NEGR1: variants seen among roughly 807,000 people sequenced by gnomAD.
NEGR1 encodes the protein IgLON family member 4.
In NEGR1, 10 loss-of-function variants were observed where a neutral mutation model predicts 40.9. That is an observed-to-expected ratio of 0.24 (90% CI 0.15 to 0.42). NEGR1 has a LOEUF of 0.42. NEGR1 is among the 10% of genes least tolerant of loss of function. NEGR1 has a pLI of 1.00. For synonymous variants in NEGR1, 185 were observed against 166.8 expected, an observed-to-expected ratio of 1.11 and a Z score of -0.84; for missense variants, 352 against 438.9, an observed-to-expected ratio of 0.80 and a Z score of 1.77.
chr1:71,673,111 C>T (rs746439707), intron 4 of NEGR1, among the ~76,000 whole-genome samples: 3 of 151,848 alleles, frequency 2.0e-5, no homozygotes, highest in Admixed American at 6.6e-5. Flanking sequence ...TTTTGGCGGG[C>T]GCCTGTAGTC....
intron 1 of NEGR1, among the ~76,000 whole-genome samples, chr1:72,199,150 C>CAGAGAGAGAG (rs34602311): frequency 3.5e-5 from 4 of 115,160 alleles, no homozygotes; most frequent in African/African-American, 9.9e-5. Context: ...GATAGACAGA[C>CAGAGAGAGAG]AGAGAGAGAG....
chr1:72,124,554 A>C (rs1041814044), intron 1 of NEGR1, among the ~76,000 whole-genome samples: 8 of 152,076 alleles, frequency 5.3e-5, no homozygotes, highest in Non-Finnish European at 1.2e-4. Flanking sequence ...CTGGAAAGCA[A>C]AGACCAAATG....
At chr1:71,671,027 G>C (rs1488858988) in intron 4 of NEGR1, among the ~76,000 whole-genome samples, 2 of 152,068 alleles carry the variant, frequency 1.3e-5, no homozygotes, top group Non-Finnish European at 2.9e-5. Context: ...GTTGGACACT[G>C]AACTCAAAGA....
At chr1:72,269,797 T>C (rs1655782423) in intron 1 of NEGR1, among the ~76,000 whole-genome samples, 1 of 146,382 alleles carries the variant, frequency 6.8e-6, no homozygotes. Context: ...TTCAAAATTT[T>C]CCTATCTAGT....
chr1:71,865,822 AT>A (rs1368124392), intron 2 of NEGR1, among the ~76,000 whole-genome samples: 1 of 152,170 alleles, frequency 6.6e-6, no homozygotes, highest in African/African-American at 2.4e-5. Flanking sequence ...CTTGTTTCCA[AT>A]TTGTGTCTCA....
chr1:72,028,687 C>T (rs757802993), intron 1 of NEGR1, among the ~76,000 whole-genome samples: 76 of 152,204 alleles, frequency 5.0e-4, no homozygotes, highest in Admixed American at 1.2e-3. Flanking sequence ...AATATGTCTA[C>T]TTAACCTTCA....
intron 1 of NEGR1, among the ~76,000 whole-genome samples, chr1:72,000,940 T>C (rs1646552296): frequency 6.6e-6 from 1 of 152,054 alleles, no homozygotes; most frequent in Non-Finnish European, 1.5e-5. Flanking sequence ...AAAGGAGAGC[T>C]TGCCTGAGAC....
In NEGR1 at chr1:72,254,988, A is replaced by G. The variant is rs578002683; in HGVS notation, c.176+27331T>C. 3.3e-5 allele frequency among the ~76,000 whole-genome samples: 5 copies of G among 152,186 alleles called. No homozygotes were observed. The South Asian group carries it at 6.2e-4, about 19-fold the overall frequency. On this transcript the variant is annotated intron_variant, in intron 1 of 6. Coordinates refer to ENST00000357731, the MANE Select transcript of NEGR1 (RefSeq NM_173808.3). ...TATATATGTCTATCTACATTTCAAT[A>G]TATTTGTTCTTTATGTGTTTTCCAC...
intron 1 of NEGR1, among the ~76,000 whole-genome samples, chr1:72,034,984 A>T (rs890924705): frequency 6.6e-6 from 1 of 152,030 alleles, no homozygotes. Flanking sequence ...CACCACGTTT[A>T]TGGTGTCATG....
At chr1:71,624,436 C>T (rs576547646) in intron 4 of NEGR1, among the ~76,000 whole-genome samples, 4 of 152,078 alleles carry the variant, frequency 2.6e-5, no homozygotes, top group Admixed American at 6.6e-5. Flanking sequence ...TACATCCTTG[C>T]TACACACAAC....
chr1:72,263,949 A>G (rs897527120), intron 1 of NEGR1, among the ~76,000 whole-genome samples: 5 of 151,466 alleles, frequency 3.3e-5, no homozygotes, highest in Admixed American at 2.0e-4. Flanking sequence ...TATGTAATAC[A>G]TATATTCACT....
intron 4 of NEGR1, among the ~76,000 whole-genome samples, chr1:71,643,655 G>GTA (rs1651431362): frequency 6.6e-6 from 1 of 152,084 alleles, no homozygotes; most frequent in East Asian, 1.9e-4. Context: ...AAACACAAAT[G>GTA]TATATGCATG....
At chr1:72,028,675 G>A (rs17092151) in intron 1 of NEGR1, among the ~76,000 whole-genome samples, 5 of 151,986 alleles carry the variant, frequency 3.3e-5, no homozygotes, top group African/African-American at 4.8e-5. Context: ...TTTTAAATCT[G>A]GAATATGTCT....
intron 5 of NEGR1, among the ~76,000 whole-genome samples, chr1:71,594,285 A>G (rs1334006): frequency 0.89 from 136,175 of 152,176 alleles, 62,284 homozygotes; most frequent in Non-Finnish European, 1. Context: ...CAAATGGCAT[A>G]GTAGTTTTTC....
chr1:71,862,983 C>G (rs12083106), intron 2 of NEGR1, among the ~76,000 whole-genome samples: 2,796 of 152,188 alleles, frequency 0.018, 85 homozygotes, highest in African/African-American at 0.064. Flanking sequence ...AAAAGGAATG[C>G]TTTTACACTG....
At chr1:71,534,163 C>T (rs890731872) in intron 6 of NEGR1, among the ~76,000 whole-genome samples, 3 of 151,628 alleles carry the variant, frequency 2.0e-5, no homozygotes, top group Non-Finnish European at 3.0e-5. Flanking sequence ...AAACTACAAC[C>T]CCTCCCTCTT....
chr1:71,741,434 G>C (rs1453965877), intron 3 of NEGR1, among the ~76,000 whole-genome samples: 1 of 152,006 alleles, frequency 6.6e-6, no homozygotes, highest in Non-Finnish European at 1.5e-5. Flanking sequence ...CCATTCCTTT[G>C]TTTAATTTAT....
intron 3 of NEGR1, among the ~76,000 whole-genome samples, chr1:71,755,897 C>G (rs1182862480): frequency 1.3e-5 from 2 of 152,056 alleles, no homozygotes; most frequent in African/African-American, 4.8e-5. Flanking sequence ...TTGAAGAAAA[C>G]AGATGTAAAA....
chr1:72,019,800 A>G (rs1474180813), intron 1 of NEGR1, among the ~76,000 whole-genome samples: 3 of 152,342 alleles, frequency 2.0e-5, no homozygotes, highest in Non-Finnish European at 2.9e-5. Flanking sequence ...TGTCATTAAC[A>G]GTTTGTTTCA....
Sources: gnomAD v4.1 joint callset for allele counts (sites outside exome capture counted in the v4.1 genomes callset) on GRCh38, gnomAD v4.1.1 for gene constraint, MANE v1.5 for transcripts, NCBI Gene and HGNC (gene_info 2026-07-23, HGNC 2026-07-21) for gene names.